Variants in ZNF184 observed in about 807,000 individuals in gnomAD.
ZNF184 encodes zinc finger protein 184 (Kruppel-like).
In ZNF184, 16 loss-of-function variants were observed where a neutral mutation model predicts 54.4. That is an observed-to-expected ratio of 0.29 (90% confidence interval 0.20 to 0.45). The LOEUF (loss-of-function observed/expected upper bound fraction) is 0.45. ZNF184 is among the 20% of genes least tolerant of loss of function. ZNF184 has a pLI of 1.00. For synonymous variants in ZNF184, 254 were observed against 295.3 expected, an observed-to-expected ratio of 0.86 and a Z score of 1.43; for missense variants, 681 against 888.2, an observed-to-expected ratio of 0.77 and a Z score of 2.97.
Position 27,451,737 on chromosome 6 carries a change from G to C in ZNF184, c.1822C>G (p.His608Asp). ...NIHLTQHKRIHTGAKPYECAE... is the reference protein window; with the variant it reads ...NIHLTQHKRIDTGAKPYECAE... ...CACTCATAAGGCTTGGCTCCTGTAT[G>C]AATTCTCTTATGCTGTGTAAGGTGT... Residue 608 changes from histidine (H) to aspartate (D), a missense_variant, in exon 6 of 6, where the codon CAT becomes GAT. Physicochemically the swap from His to Asp is moderately conservative, Grantham distance 81 (BLOSUM62 -1). Coordinates refer to ENST00000683788, the MANE Select transcript of ZNF184 (RefSeq NM_001318891.2). 6.2e-7 allele frequency: 1 copy of C among 1,613,908 alleles called. No individual in the cohort carries two copies. The highest frequency in any genetic ancestry group is 8.5e-7 in the Non-Finnish European group (1 of 1,179,908).
the ZNF184 span, among the ~76,000 whole-genome samples, chr6:27,433,923 CTTT>C: frequency 5.8e-5 from 5 of 86,372 alleles, no homozygotes; most frequent in African/African-American, 2.5e-4. Flanking sequence ...TTTCTTTCTT[CTTT>C]CTTTCTTTTT....
At position 27,451,876 on chromosome 6, in the gene ZNF184, A is replaced by C. The variant is rs201466724; in HGVS notation, c.1683T>G (p.His561Gln). 1 of 1,612,576 alleles carries C rather than the reference A, an allele frequency of 6.2e-7. No individual in the cohort carries two copies. Among genetic ancestry groups the C allele is most frequent in the African/African-American group, 1.3e-5 (1 of 75,046 alleles). ...IHTGEKPYQC[H>Q]ECGKTFSYGS... ...CATAACTGAAGGTTTTCCCACATTC[A>C]TGACACTGATAGGGTTTCTCTCCAG... The change falls in exon 6 of 6, where the codon CAT becomes CAG. Residue 561 changes from histidine (H) to glutamine (Q), a missense_variant. By Grantham distance (24) the His-to-Gln change is conservative (BLOSUM62 0). Transcript: ENST00000683788.
chr6:27,424,227 C>T, the ZNF184 span, among the ~76,000 whole-genome samples: 5 of 152,158 alleles, frequency 3.3e-5, no homozygotes, highest in Non-Finnish European at 7.3e-5. Context: ...GGTGAGGTCT[C>T]TGGTTTCAGG....
chr6:27,456,560 T>G (rs1762858099), intron 5 of ZNF184, among the ~76,000 whole-genome samples: 1 of 152,166 alleles, frequency 6.6e-6, no homozygotes, highest in South Asian at 2.1e-4. Context: ...GAAAGAGATG[T>G]AATTCAGAGT....
At chr6:27,423,565 A>C in the ZNF184 span, among the ~76,000 whole-genome samples, 1 of 151,750 alleles carries the variant, frequency 6.6e-6, no homozygotes, top group Non-Finnish European at 1.5e-5. Flanking sequence ...TTCCTTGCTA[A>C]CCCCTCCCTT....
chr6:27,417,670 T>C, the ZNF184 span, among the ~76,000 whole-genome samples: 3 of 152,164 alleles, frequency 2.0e-5, no homozygotes, highest in Non-Finnish European at 4.4e-5. Context: ...ATGGACTTCA[T>C]TGCTTGAGGC....
chr6:27,420,960 G>A, the ZNF184 span, among the ~76,000 whole-genome samples: 90,460 of 152,056 alleles, frequency 0.59, 27,251 homozygotes, highest in Middle Eastern at 0.75. Context: ...GACAACTTAA[G>A]TGCATATAAA....
chr6:27,426,157 T>C, the ZNF184 span, among the ~76,000 whole-genome samples: 160 of 152,374 alleles, frequency 1.1e-3, 1 homozygote, highest in Middle Eastern at 0.01. This position sits in a 1 kb window ranked among gnomAD's most constrained non-coding sequence, Gnocchi z 4.2. Flanking sequence ...GTCATCTGGC[T>C]TATAGCCTTC....
chr6:27,437,042 G>C, the ZNF184 span, among the ~76,000 whole-genome samples: 1 of 152,124 alleles, frequency 6.6e-6, no homozygotes, highest in Admixed American at 6.6e-5. Flanking sequence ...TTTGTGGCCT[G>C]ATAAAATATA....
chr6:27,424,693 A>G, the ZNF184 span, among the ~76,000 whole-genome samples: 104 of 152,178 alleles, frequency 6.8e-4, no homozygotes, highest in African/African-American at 2.5e-3. Context: ...CGATTGGTGT[A>G]TTTACAATCC....
At chr6:27,415,653 C>A in the ZNF184 span, among the ~76,000 whole-genome samples, 1 of 152,082 alleles carries the variant, frequency 6.6e-6, no homozygotes, top group African/African-American at 2.4e-5. Context: ...CCCATTACTT[C>A]CTTTGAAATA....
downstream of ZNF184, among the ~76,000 whole-genome samples, chr6:27,448,902 C>T (rs1762668680): frequency 6.6e-6 from 1 of 152,130 alleles, no homozygotes; most frequent in Admixed American, 6.5e-5. Flanking sequence ...CTATGTTTAC[C>T]ACCCTTGGCA....
chr6:27,412,042 A>G, the ZNF184 span, among the ~76,000 whole-genome samples: 3 of 149,926 alleles, frequency 2.0e-5, no homozygotes, highest in Non-Finnish European at 1.5e-5. Context: ...CCACCGCAAC[A>G]TGGTGGCTGT....
chr6:27,470,578 C>T (rs1022827204), intron 2 of ZNF184, among the ~76,000 whole-genome samples: 6 of 152,144 alleles, frequency 3.9e-5, no homozygotes, highest in African/African-American at 1.4e-4. Flanking sequence ...CTTGGAAGCT[C>T]TTAACAGTGA....
chr6:27,404,447 A>G, the ZNF184 span: 1 of 152,202 alleles, frequency 6.6e-6, no homozygotes, highest in African/African-American at 2.4e-5. Context: ...GATTGTTCTT[A>G]GGATGGAGTG....
At chr6:27,455,547 T>C (rs745878845) in intron 5 of ZNF184, among the ~76,000 whole-genome samples, 3 of 152,214 alleles carry the variant, frequency 2.0e-5, no homozygotes, top group Non-Finnish European at 4.4e-5. Context: ...TCTTCTTCTT[T>C]TTTTTAATTA....
intron 3 of ZNF184, among the ~76,000 whole-genome samples, chr6:27,466,141 G>GGAGAGAGA (rs58110037): frequency 6.7e-6 from 1 of 148,764 alleles, no homozygotes; most frequent in East Asian, 2.0e-4. Flanking sequence ...AGAGTCAGAG[G>GGAGAGAGA]GAGAGAGAGA....
chr6:27,465,036 A>T (rs1178445199), intron 3 of ZNF184, among the ~76,000 whole-genome samples: 1 of 148,908 alleles, frequency 6.7e-6, no homozygotes, highest in Non-Finnish European at 1.5e-5. Flanking sequence ...AAAAAAAAAA[A>T]ATAGAGCTTC....
the ZNF184 span, among the ~76,000 whole-genome samples, chr6:27,407,348 A>G: frequency 6.6e-6 from 1 of 152,310 alleles, no homozygotes; most frequent in East Asian, 1.9e-4. Context: ...TCCCACACAC[A>G]GCTGCAGGGC....
Sources: gnomAD v4.1 joint callset for allele counts (sites outside exome capture counted in the v4.1 genomes callset) on GRCh38, gnomAD v4.1.1 for gene constraint, Gnocchi (gnomAD v3.1) non-coding constraint, MANE v1.5 for transcripts, NCBI Gene and HGNC (gene_info 2026-07-23, HGNC 2026-07-21) for gene names.